MYO15B: variants seen among roughly 807,000 people sequenced by gnomAD.
MYO15B encodes myosin XVB, also known as myosin XVB pseudogene.
A neutral mutation model predicts 119.3 loss-of-function variants in MYO15B; 207 were observed. That is an observed-to-expected ratio of 1.73 (90% CI 1.55 to 1.95). The LOEUF (loss-of-function observed/expected upper bound fraction) is 1.95, where lower values mean the gene tolerates loss of function less well. MYO15B is among the 30% of genes most tolerant of loss of function. The pLI is 0.00. For missense variants in MYO15B, 2,264 were observed against 1,203.1 expected (o/e 1.88, Z -13.04); for synonymous variants, 966 against 498.9 (o/e 1.94, Z -12.48).
chr17:75,596,535 A>C (rs887219186), exon 13 of MYO15B: 1 of 702,940 alleles, frequency 1.4e-6, no homozygotes, highest in Non-Finnish European at 2.6e-6. Context: ...CTCCAGCCAG[A>C]TGCTGCTGGC....
At chr17:75,618,512 G>T (rs1005843816) in intron 43 of MYO15B, among the ~76,000 whole-genome samples, 7 of 152,204 alleles carry the variant, frequency 4.6e-5, no homozygotes, top group African/African-American at 2.4e-5. Context: ...AATCAGGCGT[G>T]GTGGCACGCA....
At chr17:75,619,019 A>G (rs1411125936) in intron 43 of MYO15B, 124 bp from the exon 44 acceptor site, 2 of 652,562 alleles carry the variant, frequency 3.1e-6, no homozygotes, top group Non-Finnish European at 5.5e-6. Flanking sequence ...CTGAGCACAC[A>G]GGCCATGGGG....
At position 75,620,877 on chromosome 17, in the gene MYO15B, G is replaced by C. The variant is rs919090037; in HGVS notation, c.7726-154G>C. 6 of 701,948 alleles carry C rather than the reference G, an allele frequency of 8.5e-6. No homozygotes were observed. In the African/African-American group the frequency reaches 1.0e-4, roughly 12 times the overall value. 43.5% of individuals were successfully genotyped at this position (701,948 alleles called of 1,614,324 possible). A position where few individuals can be genotyped will look rare whatever the true frequency, so the allele number is the denominator to read the frequency against. On this transcript the variant is annotated intron_variant, in intron 49 of 63. Transcript: ENST00000645453. ...TGTCCCACGTGGTACTTAGTTCAAG[G>C]CTGCCCCAGCAGATGCTTAATAAAC...
chr17:75,592,221 ATCT>A lies in MYO15B; in HGVS notation c.2652-13_2652-11del, dbSNP rs2056515281. 1.4e-6 allele frequency: 1 copy of A among 702,406 alleles called. No individual in the cohort carries two copies. Among genetic ancestry groups the A allele is most frequent in the South Asian group, 1.5e-5 (1 of 67,564 alleles). The allele number at this position is 702,406 out of a possible 1,614,324, so 43.5% of individuals were successfully genotyped here. ...TTCTGCATCCTGGGCACTCACACCCATCTTCTGTGCCCACAGAGGGGTCATCGT... is the reference window on the plus strand; with the variant it reads ...TTCTGCATCCTGGGCACTCACACCCATCTGTGCCCACAGAGGGGTCATCGT... On this transcript the variant is annotated splice_polypyrimidine_tract_variant and intron_variant, in intron 6 of 63. Transcript: ENST00000645453.
In MYO15B at chr17:75,589,740, C is replaced by G; in HGVS notation, c.1683C>G (p.Ser561Arg). 1 of 398,768 alleles carries G rather than the reference C, an allele frequency of 2.5e-6. No homozygotes were observed. Among genetic ancestry groups the G allele is most frequent in the Non-Finnish European group, 4.4e-6 (1 of 226,082 alleles). The allele number at this position is 398,768 out of a possible 1,614,324, so 24.7% of individuals were successfully genotyped here. A position where few individuals can be genotyped will look rare whatever the true frequency, so the allele number is the denominator to read the frequency against. Residue 561 changes from serine (S) to arginine (R), a missense_variant, in exon 1 of 64, where the codon AGC (serine) becomes AGG (arginine). Ser to Arg is a moderately radical substitution (Grantham distance 110). Coordinates refer to ENST00000645453, the Ensembl canonical transcript of MYO15B. This position sits in a 1 kb window ranked among gnomAD's most constrained non-coding sequence, Gnocchi z 4.2. ...CAGGGCGGGCGTCGAGCAGCCGCAG[C>G]TCTGAAGAAGCGTCCGCAGATGCCC...
chr17:75,615,606 C>T lies in MYO15B; in HGVS notation c.5838+6C>T, dbSNP rs761096363. 235 of 693,544 alleles carry T rather than the reference C, an allele frequency of 3.4e-4. No homozygotes were observed. The highest frequency in any genetic ancestry group is 5.5e-4 in the Non-Finnish European group (210 of 379,936). The allele number at this position is 693,544 out of a possible 1,614,324, so 43.0% of individuals were successfully genotyped here. ...AGCAGCAGGCGCTAATCCTGGTGAG[C>T]GCTGGCAGGGCCCTGGGGCCACCTG... On this transcript the variant is annotated splice_donor_region_variant and intron_variant, in intron 35 of 63. Coordinates refer to ENST00000645453, the Ensembl canonical transcript of MYO15B.
chr17:75,614,974 G>A (rs1024323718), exon 33 of MYO15B: 4 of 702,986 alleles, frequency 5.7e-6, no homozygotes, highest in Non-Finnish European at 7.8e-6. Flanking sequence ...CTGGAACAAA[G>A]CTGGGCTCTG....
Position 75,596,670 on chromosome 17 carries a change from A to G in MYO15B, c.3394-98A>G, listed in dbSNP as rs2056882220. On this transcript the variant is annotated intron_variant, in intron 13 of 63. Coordinates refer to ENST00000645453, the Ensembl canonical transcript of MYO15B. ...AGCTCTGCCTGGAAGGCCCCTTTCC[A>G]TGAGGTGTCTCAGTCTTCTGAGCCT... 5 of 674,322 alleles carry G rather than the reference A, an allele frequency of 7.4e-6. No individual in the cohort carries two copies. The South Asian group carries it at 7.9e-5, about 11-fold the overall frequency. 41.8% of individuals were successfully genotyped at this position (674,322 alleles called of 1,614,324 possible).
chr17:75,589,501 A>G lies in MYO15B; in HGVS notation c.1444A>G (p.Arg482Gly), dbSNP rs1412955303. 2.1e-4 allele frequency: 82 copies of G among 395,836 alleles called. No individual in the cohort carries two copies. Among genetic ancestry groups the G allele is most frequent in the Non-Finnish European group, 8.9e-6 (2 of 225,298 alleles). The allele number at this position is 395,836 out of a possible 1,614,324, so 24.5% of individuals were successfully genotyped here. A position where few individuals can be genotyped will look rare whatever the true frequency, so the allele number is the denominator to read the frequency against. Residue 482 changes from arginine (R) to glycine (G), a missense_variant, in exon 1 of 64, where the codon AGA becomes GGA. Physicochemically the swap from Arg to Gly is moderately radical, Grantham distance 125 (BLOSUM62 -2). Transcript: ENST00000645453. This position sits in a 1 kb window ranked among gnomAD's most constrained non-coding sequence, Gnocchi z 4.2. ...AGGTGACGAGGGCCGGGACCACCAGAGAGGGTACGAGGGGTGGGGCCGTGA... is the reference window on the plus strand; with the variant it reads ...AGGTGACGAGGGCCGGGACCACCAGGGAGGGTACGAGGGGTGGGGCCGTGA...
chr17:75,618,846 C>T (rs1031452298), intron 43 of MYO15B, among the ~76,000 whole-genome samples: 20 of 152,226 alleles, frequency 1.3e-4, no homozygotes, highest in Admixed American at 3.3e-4. Flanking sequence ...CCCCCTGCCC[C>T]GAACAATCTT....
chr17:75,624,370 A>C (rs943029386), exon 57 of MYO15B: 2 of 702,626 alleles, frequency 2.8e-6, no homozygotes, highest in Non-Finnish European at 5.2e-6. Context: ...GCCTTGGCAG[A>C]AAGGACAAGC....
chr17:75,603,270 C>A (rs1008393465), exon 19 of MYO15B: 3 of 702,990 alleles, frequency 4.3e-6, no homozygotes, highest in African/African-American at 1.7e-5. Context: ...ACCCGCAGTG[C>A]CAACTTCCCC....
chr17:75,591,785 G>A (rs746641432), intron 5 of MYO15B, 73 bp downstream of exon 5: 13 of 700,368 alleles, frequency 1.9e-5, no homozygotes, highest in Admixed American at 8.0e-5. Flanking sequence ...AGCTGACCAT[G>A]TCCAAGGGAC....
At chr17:75,606,214 C>T (rs1194035553) in intron 21 of MYO15B, among the ~76,000 whole-genome samples, 193 bp downstream of exon 21, 4 of 152,112 alleles carry the variant, frequency 2.6e-5, no homozygotes, top group Admixed American at 6.6e-5. Context: ...TTGAATACCC[C>T]GGCCACAAGA....
chr17:75,616,817 T>G, intron 39 of MYO15B, 32 bp downstream of exon 39: 1 of 703,038 alleles, frequency 1.4e-6, no homozygotes, highest in East Asian at 2.7e-5. Context: ...GCCAGGGCTG[T>G]CCCGCTCCTC....
At chr17:75,611,553 C>T in intron 23 of MYO15B, 48 bp from the exon 24 acceptor site, 1 of 701,872 alleles carries the variant, frequency 1.4e-6, no homozygotes, top group Non-Finnish European at 2.6e-6. Flanking sequence ...GGACACTGGT[C>T]CCTAGGCCCC....
chr17:75,610,776 G>C (rs2057976715), intron 22 of MYO15B, 124 bp from the exon 23 acceptor site: 4 of 676,810 alleles, frequency 5.9e-6, no homozygotes, highest in South Asian at 4.8e-5. Context: ...CTCCTGATCT[G>C]TTCTCACTCC....
rs906708720 is a variant in MYO15B at position 75,601,435 on chromosome 17, T to C, written c.3526-3T>C. 2.7e-5 allele frequency: 19 copies of C among 702,854 alleles called. No homozygotes were observed. Among genetic ancestry groups the C allele is most frequent in the Admixed American group, 2.6e-4 (13 of 49,998 alleles). The allele number at this position is 702,854 out of a possible 1,614,324, so 43.5% of individuals were successfully genotyped here. A position where few individuals can be genotyped will look rare whatever the true frequency, so the allele number is the denominator to read the frequency against. On this transcript the variant is annotated splice_polypyrimidine_tract_variant and splice_region_variant and intron_variant, in intron 14 of 63. Coordinates refer to ENST00000645453, the Ensembl canonical transcript of MYO15B. The stretch of plus-strand genomic sequence containing the variant: ...TGAAGGGAGCTCATGGCTCCTCTCC[T>C]AGGCCACGGACCACACCTTCCTCCA...
chr17:75,619,991 G>A (rs1362006345), exon 47 of MYO15B: 1 of 702,690 alleles, frequency 1.4e-6, no homozygotes, highest in South Asian at 1.5e-5. Flanking sequence ...CGAGGCGCTG[G>A]TTGAGCTATT....
Sources: allele counts gnomAD v4.1 joint callset (sites outside exome capture counted in the v4.1 genomes callset), GRCh38; gene constraint gnomAD v4.1.1; non-coding constraint Gnocchi (gnomAD v3.1); transcripts MANE v1.5; gene names NCBI Gene and HGNC (gene_info 2026-07-23, HGNC 2026-07-21).